PAPLN: variants seen among roughly 807,000 people sequenced by gnomAD.
PAPLN encodes the protein papilin, proteoglycan like sulfated glycoprotein, also known as papilin.
Under a neutral mutation model 159.0 loss-of-function variants are expected in PAPLN, and 146 were observed. The ratio of observed to expected loss-of-function variants is 0.92; its 90% CI spans 0.80 to 1.05. PAPLN has a LOEUF of 1.05. Among genes scored for constraint, PAPLN ranks in the 50% least tolerant of loss-of-function variants. The pLI, the probability that PAPLN is intolerant of heterozygous loss-of-function variation, is 0.00. For synonymous variants in PAPLN, 734 were observed against 702.9 expected (o/e 1.04, Z -0.70); for missense variants, 1,720 against 1,743.9 (o/e 0.99, Z 0.24).
chr14:73,247,797 C>T (rs177399), intron 5 of PAPLN, among the ~76,000 whole-genome samples: 23,098 of 31,900 alleles, frequency 0.72, 8,369 homozygotes, highest in Middle Eastern at 0.98. Flanking sequence ...TCTCTTATCC[C>T]GTGTGTGTGT....
At chr14:73,266,357 C>A in intron 23 of PAPLN, 144 bp from the exon 24 acceptor site, 2 of 1,045,552 alleles carry the variant, frequency 1.9e-6, no homozygotes, top group Non-Finnish European at 2.7e-6. Context: ...TGTCAGACCC[C>A]ACCAAACACT....
Position 73,265,338 on chromosome 14 carries a change from G to GC in PAPLN, c.3126-28dup. Reference sequence around the variant, plus strand: ...GGAGTAGGCGGGGGCAACGGCAAGGGCCCCTCATGCTGTGGGCTGCTTGTT... The same window carrying GC: ...GGAGTAGGCGGGGGCAACGGCAAGGGCCCCCTCATGCTGTGGGCTGCTTGTT... On this transcript the variant is annotated intron_variant, in intron 22 of 26. Coordinates refer to ENST00000644200, the MANE Select transcript of PAPLN (RefSeq NM_001365906.3). This position sits in a 1 kb window ranked among gnomAD's most constrained non-coding sequence, Gnocchi z 4.1. 1.3e-6 allele frequency: 2 copies of GC among 1,598,790 alleles called. No homozygotes were observed. Among genetic ancestry groups the GC allele is most frequent in the Non-Finnish European group, 1.7e-6 (2 of 1,175,696 alleles).
chr14:73,237,965 G>A (rs993122971), intron 1 of PAPLN, among the ~76,000 whole-genome samples: 4 of 152,132 alleles, frequency 2.6e-5, no homozygotes, highest in African/African-American at 9.7e-5. Flanking sequence ...CCGCGGGCCT[G>A]GAGCGTCCGG....
chr14:73,246,858 A>G (rs772993692), intron 5 of PAPLN: 7 of 151,968 alleles, frequency 4.6e-5, no homozygotes, highest in African/African-American at 1.7e-4. Context: ...CAATTTTAGT[A>G]TATGTGCTGC....
At chr14:73,261,023 T>G in intron 17 of PAPLN, 133 bp from the exon 18 acceptor site, 1 of 1,480,974 alleles carries the variant, frequency 6.8e-7, no homozygotes, top group Non-Finnish European at 9.2e-7. Flanking sequence ...TCATCCAACA[T>G]TCTCCTGGCC....
Position 73,264,736 on chromosome 14 carries a change from C to T in PAPLN, c.3125+10C>T, listed in dbSNP as rs760003718. On this transcript the variant is annotated intron_variant, in intron 22 of 26. Transcript: ENST00000644200. The stretch of plus-strand genomic sequence containing the variant: ...CACAGCCTGCAAACAGGTAAGAACT[C>T]AGCAATGCCATCTTGCCCTCCCCCA... 6.2e-7 allele frequency: 1 copy of T among 1,611,934 alleles called. No individual in the cohort carries two copies.
chr14:73,267,966 G>C (rs1887383467), intron 25 of PAPLN, among the ~76,000 whole-genome samples: 2 of 152,040 alleles, frequency 1.3e-5, no homozygotes, highest in African/African-American at 2.4e-5. Context: ...AGGGCCTGCA[G>C]TGGGGCCGCA....
intron 14 of PAPLN, among the ~76,000 whole-genome samples, chr14:73,258,325 A>G (rs1235596191): frequency 6.6e-6 from 1 of 152,124 alleles, no homozygotes; most frequent in Non-Finnish European, 1.5e-5. Context: ...TTTGCATATC[A>G]TCTTTGGAGA....
chr14:73,270,944 C>T (rs531961187), intron 26 of PAPLN, among the ~76,000 whole-genome samples: 1 of 152,270 alleles, frequency 6.6e-6, no homozygotes, highest in African/African-American at 2.4e-5. Context: ...GGGTAGGAGG[C>T]CTTGGGGTGG....
rs771088487 is a variant in PAPLN, at chr14:73,254,669, G to A, written c.1459G>A (p.Ala487Thr). 9.5e-5 allele frequency: 154 copies of A among 1,613,804 alleles called. No homozygotes were observed. The East Asian group carries it at 3.3e-3, about 35-fold the overall frequency. The change falls in exon 13 of 27, where the codon GCC (alanine) becomes ACC (threonine). Residue 487 changes from alanine (A) to threonine (T), a missense_variant. Coordinates refer to ENST00000644200, the MANE Select transcript of PAPLN (RefSeq NM_001365906.3). ...HEDCPLLSDQ[A>T]WHVGTWGLCS... is the part of the protein sequence containing the mutation. ...GGACTGCCCCCTCCTCAGTGACCAG[G>A]CCTGGCATGTTGGCACCTGGGGTCT...
intron 12 of PAPLN, 30 bp downstream of exon 12, chr14:73,253,991 G>T (rs375946806): frequency 9.8e-5 from 155 of 1,588,338 alleles, no homozygotes; most frequent in Non-Finnish European, 1.2e-4. Flanking sequence ...TGGGGCTGGT[G>T]CTGGACCTGG....
Position 73,252,670 on chromosome 14 carries a change from T to G in PAPLN, c.989T>G (p.Phe330Cys). The part of the protein sequence containing the change: ...CGGGHQSRLV[F>C]CTIDHEAYPD... ...GCAGGTCACCAGTCCCGCCTGGTGT[T>G]CTGCACCATCGACCATGAGGCCTAC... The change falls in exon 11 of 27, where the codon TTC (phenylalanine) becomes TGC (cysteine). Residue 330 changes from phenylalanine to cysteine, a missense_variant. Phe to Cys is a radical substitution (Grantham distance 205). Transcript: ENST00000644200. The G allele has an allele frequency of 1.2e-6, 2 of 1,613,214 alleles. No individual in the cohort carries two copies. The highest frequency in any genetic ancestry group is 1.7e-6 in the Non-Finnish European group (2 of 1,179,964).
In PAPLN at chr14:73,264,627, GCTTCC is replaced by G; in HGVS notation, c.3029_3033del (p.Phe1010SerfsTer83). The stretch of plus-strand genomic sequence containing the variant: ...GTGCTGTCTGAGGCTGAGCTGAGCC[GCTTCC>G]CTCAGCCCAGGGACCCAGCTCAGGA... On this transcript the variant is annotated frameshift_variant, in exon 22 of 27. Transcript: ENST00000644200. LOFTEE classifies it high-confidence loss of function. 1.2e-6 allele frequency: 2 copies of G among 1,603,092 alleles called. No homozygotes were observed. The highest frequency in any genetic ancestry group is 1.7e-6 in the Non-Finnish European group (2 of 1,177,256).
rs1051439811 is a variant in PAPLN, at chr14:73,260,586, C to G, written c.1986-123C>G. ...GCCTGCCCTGCACACGGGGACACGT[C>G]CTCTCCCCCCCAGGTCCCCACCCTG... is the stretch of plus-strand genomic sequence containing the variant. On this transcript the variant is annotated intron_variant, in intron 16 of 26. Coordinates refer to ENST00000644200, the MANE Select transcript of PAPLN (RefSeq NM_001365906.3). 102 of 1,256,104 alleles carry G rather than the reference C, an allele frequency of 8.1e-5. No homozygotes were observed. In the Middle Eastern group the frequency reaches 1.2e-3, roughly 15 times the overall value. The allele number at this position is 1,256,104 out of a possible 1,614,324, so 77.8% of individuals were successfully genotyped here.
intron 2 of PAPLN, among the ~76,000 whole-genome samples, chr14:73,241,186 G>A (rs552120381): frequency 1.5e-4 from 23 of 152,250 alleles, no homozygotes; most frequent in African/African-American, 4.3e-4. Context: ...CAGCTGGAGC[G>A]GTGGGTGGGC....
chr14:73,248,765 T>C (rs1048213382), intron 5 of PAPLN, among the ~76,000 whole-genome samples: 17 of 152,104 alleles, frequency 1.1e-4, no homozygotes, highest in Non-Finnish European at 4.4e-5. Flanking sequence ...GAGGCTGCAG[T>C]GAGTCAAGAT....
chr14:73,252,825 T>TG, intron 11 of PAPLN, 50 bp downstream of exon 11: 1 of 1,607,112 alleles, frequency 6.2e-7, no homozygotes, highest in Non-Finnish European at 8.5e-7. Flanking sequence ...AGAACTTGGG[T>TG]GGGAAGGGAA....
intron 20 of PAPLN, 27 bp from the exon 21 acceptor site, chr14:73,264,184 C>T: frequency 1.2e-6 from 2 of 1,612,574 alleles, no homozygotes; most frequent in East Asian, 2.2e-5. Flanking sequence ...GCCCAGAGCT[C>T]ATGTCCTCCC....
chr14:73,263,026 T>A, intron 19 of PAPLN, 199 bp downstream of exon 19: 1 of 464,266 alleles, frequency 2.2e-6, no homozygotes, highest in Non-Finnish European at 3.7e-6. Context: ...GAGGCTACTC[T>A]GATGTCTAAT....
Sources: allele counts gnomAD v4.1 joint callset (sites outside exome capture counted in the v4.1 genomes callset), GRCh38; gene constraint gnomAD v4.1.1; non-coding constraint Gnocchi (gnomAD v3.1); transcripts MANE v1.5; gene names NCBI Gene and HGNC (gene_info 2026-07-23, HGNC 2026-07-21).